CCN5: variants seen among roughly 807,000 people sequenced by gnomAD.
The protein encoded by CCN5 is CCN family member 5.
A neutral mutation model predicts 18.7 loss-of-function variants in CCN5; 17 were observed. The observed-to-expected ratio is 0.91, with a 90% CI of 0.62 to 1.36. The LOEUF (loss-of-function observed/expected upper bound fraction) is 1.36, where lower values mean the gene tolerates loss of function less well. Ranked by LOEUF, CCN5 falls within the 40% of genes most tolerant of loss-of-function variation. CCN5 has a pLI of 0.00. For missense variants in CCN5, 367 were observed against 342.9 expected, an observed-to-expected ratio of 1.07 and a Z score of -0.56; for synonymous variants, 135 against 145.2, an observed-to-expected ratio of 0.93 and a Z score of 0.50.
chr20:44,727,421 C>A lies in CCN5; in HGVS notation c.*114C>A, dbSNP rs764602891. On this transcript the variant is annotated 3_prime_UTR_variant, in exon 4 of 4. Transcript: ENST00000190983. ...CCCAGGCCCTTGGCTGCAGGCAACA[C>A]TTTAGCTTGGGTCCACCATGCAGAA... 1.0e-5 allele frequency: 15 copies of A among 1,448,060 alleles called. No individual in the cohort carries two copies. The South Asian group carries it at 2.1e-4, about 20-fold the overall frequency. 89.7% of individuals were successfully genotyped at this position (1,448,060 alleles called of 1,614,324 possible). A position where few individuals can be genotyped will look rare whatever the true frequency, so the allele number is the denominator to read the frequency against.
chr20:44,720,406 C>G (rs183191433), intron 2 of CCN5: 2 of 474,922 alleles, frequency 4.2e-6, no homozygotes, highest in Admixed American at 4.2e-5. Flanking sequence ...CCTGAGAAGC[C>G]CCCCCAGATT....
intron 2 of CCN5, chr20:44,720,382 C>T: frequency 1.9e-6 from 1 of 514,440 alleles, no homozygotes; most frequent in Non-Finnish European, 3.4e-6. Flanking sequence ...AAGCCAAGTT[C>T]AAACAGCTTC....
At position 44,727,433 on chromosome 20, in the gene CCN5, T is replaced by A. The variant is rs1380634692; in HGVS notation, c.*126T>A. 6.9e-7 allele frequency: 1 copy of A among 1,445,528 alleles called. No homozygotes were observed. The highest frequency in any genetic ancestry group is 1.4e-5 in the African/African-American group (1 of 69,546). The allele number at this position is 1,445,528 out of a possible 1,614,324, so 89.5% of individuals were successfully genotyped here. On this transcript the variant is annotated 3_prime_UTR_variant, in exon 4 of 4. Coordinates refer to ENST00000190983, the MANE Select transcript of CCN5 (RefSeq NM_003881.4). ...GCTGCAGGCAACACTTTAGCTTGGG[T>A]CCACCATGCAGAACACCAATATTAA...
Position 44,727,601 on chromosome 20 carries a change from C to A in CCN5, c.*294C>A. 2.7e-6 allele frequency: 3 copies of A among 1,120,874 alleles called. No homozygotes were observed. Among genetic ancestry groups the A allele is most frequent in the Non-Finnish European group, 3.4e-6 (3 of 874,050 alleles). 69.4% of individuals were successfully genotyped at this position (1,120,874 alleles called of 1,614,324 possible). ...CCCTGCCTACACACACAGCCTATAT[C>A]AAACATGCACACGGGCGAGCTTTCT... On this transcript the variant is annotated 3_prime_UTR_variant, in exon 4 of 4. Transcript: ENST00000190983.
upstream of CCN5, chr20:44,715,175 T>A: frequency 3.5e-6 from 2 of 575,088 alleles, no homozygotes; most frequent in South Asian, 3.8e-5. Flanking sequence ...AATGGGCTCA[T>A]CCTTTGAGCC....
intron 3 of CCN5, 111 bp downstream of exon 3, chr20:44,725,103 C>A (rs2065927718): frequency 7.3e-7 from 1 of 1,365,092 alleles, no homozygotes; most frequent in Non-Finnish European, 9.5e-7. Flanking sequence ...AGGGACACAT[C>A]AGAAGCTGGG....
rs184382947 is a variant in CCN5, at chr20:44,717,928, C to T, written c.61-1969C>T. 3.7e-3 allele frequency among the ~76,000 whole-genome samples: 556 copies of T among 151,788 alleles called. 2 individuals carry two copies. Among genetic ancestry groups the T allele is most frequent in the African/African-American group, 0.013 (524 of 41,382 alleles). On this transcript the variant is annotated intron_variant, in intron 1 of 3. Transcript: ENST00000190983. ...AGAAAAAGAAAAGAAAATGCAGATT[C>T]GGATTTATTATATAAAAATTCAGCT...
chr20:44,724,632 A>C lies in CCN5; in HGVS notation c.278-106A>C, dbSNP rs1942483273. ...TGGGCTGGAGCCCTGGGCAGGGCCC[A>C]GCTACTGTGAGGCAGCTGCCTCAGG... is the stretch of plus-strand genomic sequence containing the variant. On this transcript the variant is annotated intron_variant, in intron 2 of 3. Transcript: ENST00000190983. 3 of 1,539,864 alleles carry C rather than the reference A, an allele frequency of 1.9e-6. No individual in the cohort carries two copies. The African/African-American group carries it at 4.2e-5, about 21-fold the overall frequency.
chr20:44,724,057 A>G (rs2065918340), intron 2 of CCN5: 1 of 152,186 alleles, frequency 6.6e-6, no homozygotes, highest in South Asian at 2.1e-4. Flanking sequence ...GTGTTCCCTG[A>G]GCACCTAGGC....
rs1335390276 is a variant in CCN5, at chr20:44,724,839, G to A, written c.379G>A (p.Gly127Ser). 1.1e-5 allele frequency: 18 copies of A among 1,602,470 alleles called. No homozygotes were observed. Among genetic ancestry groups the A allele is most frequent in the East Asian group, 2.2e-5 (1 of 44,538 alleles). The change falls in exon 3 of 4, where the codon GGC becomes AGC. Residue 127 changes from glycine (G) to serine (S), a missense_variant. By Grantham distance (56) the Gly-to-Ser change is moderately conservative. Coordinates refer to ENST00000190983, the MANE Select transcript of CCN5 (RefSeq NM_003881.4). The part of the protein sequence containing the change: ...CSIRCRCEDG[G>S]FTCVPLCSED... ...CATCCGCTGCCGCTGCGAGGACGGC[G>A]GCTTCACCTGCGTGCCGCTGTGCAG...
chr20:44,719,839 G>C, intron 1 of CCN5, 58 bp from the exon 2 acceptor site: 1 of 1,546,928 alleles, frequency 6.5e-7, no homozygotes, highest in Non-Finnish European at 8.8e-7. Context: ...GGCTGGTTGT[G>C]AGGGTCTCAC....
intron 2 of CCN5, chr20:44,721,549 A>C (rs1266000430): frequency 6.8e-6 from 1 of 148,004 alleles, no homozygotes; most frequent in Non-Finnish European, 1.5e-5. Flanking sequence ...TAATAACTCC[A>C]TGTGAAATGC....
intron 2 of CCN5, among the ~76,000 whole-genome samples, chr20:44,722,412 T>C (rs1273507238): frequency 6.6e-6 from 1 of 151,388 alleles, no homozygotes; most frequent in Non-Finnish European, 1.5e-5. Context: ...ATCCTTCTCA[T>C]GGCTCAGACT....
chr20:44,715,474 T>G, intron 1 of CCN5, 24 bp downstream of exon 1: 1 of 1,577,778 alleles, frequency 6.3e-7, no homozygotes, highest in Non-Finnish European at 8.6e-7. Flanking sequence ...GGCCCTGGAA[T>G]GCACTGCTGA....
intron 1 of CCN5, among the ~76,000 whole-genome samples, chr20:44,716,025 A>G (rs950249361): frequency 6.6e-6 from 1 of 152,210 alleles, no homozygotes; most frequent in Non-Finnish European, 1.5e-5. Flanking sequence ...TGGGACATCT[A>G]CCTTGTCTAA....
At chr20:44,726,412 C>CACTAGTG (rs1425496819) in intron 3 of CCN5, among the ~76,000 whole-genome samples, 1 of 152,102 alleles carries the variant, frequency 6.6e-6, no homozygotes, top group Non-Finnish European at 1.5e-5. Context: ...TCAACGTCAG[C>CACTAGTG]ACTAGTGACA....
intron 3 of CCN5, among the ~76,000 whole-genome samples, chr20:44,726,397 G>T (rs1298111113): frequency 6.6e-6 from 1 of 152,070 alleles, no homozygotes; most frequent in Admixed American, 6.6e-5. Context: ...AGAAATCAGG[G>T]TTTCTCAACG....
intron 2 of CCN5, among the ~76,000 whole-genome samples, chr20:44,721,874 G>A (rs113378404): frequency 6.6e-6 from 1 of 152,212 alleles, no homozygotes; most frequent in East Asian, 1.9e-4. Flanking sequence ...CTTGCCCAAG[G>A]TCACACAGCT....
At chr20:44,725,037 C>A in intron 3 of CCN5, 45 bp downstream of exon 3, 5 of 1,471,572 alleles carry the variant, frequency 3.4e-6, no homozygotes, top group Non-Finnish European at 3.6e-6. Flanking sequence ...TGCCTGGGGG[C>A]GCCAAGGGCC....
Sources: gnomAD v4.1 joint callset for allele counts (sites outside exome capture counted in the v4.1 genomes callset) on GRCh38, gnomAD v4.1.1 for gene constraint, MANE v1.5 for transcripts, NCBI Gene and HGNC (gene_info 2026-07-23, HGNC 2026-07-21) for gene names.